Variants in NRP2 observed in about 807,000 individuals in gnomAD.
NRP2 encodes the protein neuropilin-2.
Under a neutral mutation model 110.4 loss-of-function variants are expected in NRP2, and 52 were observed. The observed-to-expected ratio is 0.47, with a 90% CI of 0.38 to 0.59. The LOEUF is 0.59. Ranked by LOEUF, NRP2 falls within the 20% of genes least tolerant of loss-of-function variation. The probability of loss-of-function intolerance (pLI) is 0.00; values close to 1 mark genes in which losing one functional copy is unlikely to be tolerated. For synonymous variants in NRP2, 508 were observed against 468.9 expected, an observed-to-expected ratio of 1.08 and a Z score of -1.08; for missense variants, 1,049 against 1,203.0, an observed-to-expected ratio of 0.87 and a Z score of 1.89.
rs942179443 is a variant in NRP2 at position 205,743,067 on chromosome 2, A to G, written c.1292-136A>G. Reference sequence around the variant, plus strand: ...GGCTCTTAACCACAGTGCTGTACACATTCACCATGCAAAGAAATTAGTGCT... The same window carrying G: ...GGCTCTTAACCACAGTGCTGTACACGTTCACCATGCAAAGAAATTAGTGCT... On this transcript the variant is annotated intron_variant, in intron 8 of 16. Coordinates refer to ENST00000357785, the MANE Select transcript of NRP2 (RefSeq NM_003872.3). The G allele has an allele frequency of 2.6e-6, 4 of 1,545,688 alleles. No homozygotes were observed. In the African/African-American group the frequency reaches 5.4e-5, roughly 21 times the overall value.
chr2:205,703,192 C>T (rs1042686194), intron 2 of NRP2, among the ~76,000 whole-genome samples: 1 of 152,160 alleles, frequency 6.6e-6, no homozygotes, highest in African/African-American at 2.4e-5. Flanking sequence ...TCTGTGTTCC[C>T]TATTTGTCCC....
intron 6 of NRP2, among the ~76,000 whole-genome samples, chr2:205,727,142 G>T (rs539014690): frequency 8.5e-5 from 13 of 152,306 alleles, no homozygotes; most frequent in Admixed American, 2.0e-4. Flanking sequence ...TGAGCACATT[G>T]TAGGTCACCA....
At chr2:205,738,849 A>G (rs2105860940) in intron 7 of NRP2, among the ~76,000 whole-genome samples, 1 of 152,262 alleles carries the variant, frequency 6.6e-6, no homozygotes, top group South Asian at 2.1e-4. Context: ...AATGGTTTAA[A>G]CTGAATATGG....
At chr2:205,733,282 G>A (rs931057913) in intron 7 of NRP2, among the ~76,000 whole-genome samples, 2 of 152,194 alleles carry the variant, frequency 1.3e-5, no homozygotes, top group African/African-American at 4.8e-5. Context: ...CAGTAGCTGA[G>A]GCGCGCCTCC....
At chr2:205,785,422 A>G (rs540080013) in intron 15 of NRP2, among the ~76,000 whole-genome samples, 2 of 152,218 alleles carry the variant, frequency 1.3e-5, no homozygotes, top group African/African-American at 4.8e-5. Flanking sequence ...GGGGGAAAAA[A>G]CAGCAGGTTT....
chr2:205,695,049 G>GTGTGTT (rs1427503292), intron 1 of NRP2, among the ~76,000 whole-genome samples: 2 of 152,194 alleles, frequency 1.3e-5, no homozygotes, highest in Non-Finnish European at 2.9e-5. Context: ...CTATGTTTGT[G>GTGTGTT]TGTGTTTCTG....
At chr2:205,739,223 T>C (rs977069681) in intron 7 of NRP2, among the ~76,000 whole-genome samples, 1 of 152,176 alleles carries the variant, frequency 6.6e-6, no homozygotes, top group Non-Finnish European at 1.5e-5. Context: ...ACTGCAAATG[T>C]GTTAGAAGAA....
chr2:205,727,121 T>A (rs1173671476), intron 6 of NRP2, among the ~76,000 whole-genome samples: 3 of 152,334 alleles, frequency 2.0e-5, no homozygotes, highest in Admixed American at 2.0e-4. Context: ...TATTCAAATG[T>A]TTAGTAATGC....
chr2:205,788,912 G>A (rs1401153934), intron 15 of NRP2, among the ~76,000 whole-genome samples: 1 of 152,136 alleles, frequency 6.6e-6, no homozygotes, highest in Non-Finnish European at 1.5e-5. Flanking sequence ...TGTTAGGCTG[G>A]TTAGTTGGTT....
At chr2:205,719,946 T>TTGAGTTC (rs1259242061) in intron 3 of NRP2, among the ~76,000 whole-genome samples, 1 of 152,232 alleles carries the variant, frequency 6.6e-6, no homozygotes, top group Non-Finnish European at 1.5e-5. Flanking sequence ...ATTTGTTGAC[T>TTGAGTTC]TGAGTTCTTC....
In NRP2 at chr2:205,749,725, A is replaced by G. The variant is rs369787845; in HGVS notation, c.1787A>G (p.Asp596Gly). 26 of 1,613,344 alleles carry G rather than the reference A, an allele frequency of 1.6e-5. No homozygotes were observed. Among genetic ancestry groups the G allele is most frequent in the Non-Finnish European group, 2.1e-5 (25 of 1,179,522 alleles). Residue 596 changes from aspartate to glycine, a missense_variant and splice_region_variant, in exon 11 of 17, where the codon GAC (aspartate) becomes GGC (glycine). Asp to Gly is a moderately conservative substitution (Grantham distance 94, BLOSUM62 -1). Coordinates refer to ENST00000357785, the MANE Select transcript of NRP2 (RefSeq NM_003872.3). ...CTTATCTTCCTTTGCCCTTACACAG[A>G]CTCCAAGCCCACGGTAGAGACGCTG... The part of the protein sequence containing the change: ...RLEVLGCDWT[D>G]SKPTVETLGP...
intron 1 of NRP2, among the ~76,000 whole-genome samples, chr2:205,692,300 G>A (rs777972214): frequency 3.3e-5 from 5 of 152,216 alleles, no homozygotes; most frequent in Non-Finnish European, 5.9e-5. Flanking sequence ...TTCCTGGGCT[G>A]ATGGATTGGC....
chr2:205,697,746 G>A lies in NRP2; in HGVS notation c.251+25G>A, dbSNP rs763535651. 12 of 1,612,184 alleles carry A rather than the reference G, an allele frequency of 7.4e-6. 1 individual carries two copies. The South Asian group carries it at 8.8e-5, about 12-fold the overall frequency. On this transcript the variant is annotated intron_variant, in intron 2 of 16. Transcript: ENST00000357785. ...AGTAAGCACCGTCCTGTCCCACTGT[G>A]TATCCCATCCATGAGATGCACACGC...
At chr2:205,740,415 G>T in intron 7 of NRP2, 104 bp from the exon 8 acceptor site, 1 of 1,272,766 alleles carries the variant, frequency 7.9e-7, no homozygotes, top group Non-Finnish European at 1.1e-6. Flanking sequence ...AAGCTTGAGG[G>T]AAAGAAAATT....
intron 12 of NRP2, chr2:205,762,337 G>A (rs912552487): frequency 1.3e-5 from 2 of 152,294 alleles, no homozygotes; most frequent in African/African-American, 2.4e-5. Context: ...AAGAAGGAAA[G>A]AGCTGTTTCT....
intron 3 of NRP2, among the ~76,000 whole-genome samples, chr2:205,720,726 G>A (rs541178201): frequency 1.3e-5 from 2 of 152,264 alleles, no homozygotes; most frequent in African/African-American, 4.8e-5. Flanking sequence ...TTGCTGAATT[G>A]CCTCATCCCG....
intron 7 of NRP2, among the ~76,000 whole-genome samples, chr2:205,738,198 T>C (rs2057378349): frequency 6.6e-6 from 1 of 152,132 alleles, no homozygotes; most frequent in Non-Finnish European, 1.5e-5. Flanking sequence ...ACTTTCCAAT[T>C]ATGCATTCAC....
At chr2:205,733,846 T>C (rs2057289448) in intron 7 of NRP2, among the ~76,000 whole-genome samples, 1 of 151,522 alleles carries the variant, frequency 6.6e-6, no homozygotes, top group Non-Finnish European at 1.5e-5. Flanking sequence ...TGCGTTCCTG[T>C]CTCAAATCCT....
chr2:205,712,457 C>T (rs943797293), intron 2 of NRP2, among the ~76,000 whole-genome samples: 3 of 152,110 alleles, frequency 2.0e-5, no homozygotes, highest in Admixed American at 2.0e-4. Context: ...TGAGTCTGTA[C>T]CCCGGATTCC....
Sources: gnomAD v4.1 joint callset for allele counts (sites outside exome capture counted in the v4.1 genomes callset) on GRCh38, gnomAD v4.1.1 for gene constraint, MANE v1.5 for transcripts, NCBI Gene and HGNC (gene_info 2026-07-23, HGNC 2026-07-21) for gene names.